Variants in TMIGD3 observed in about 807,000 individuals in gnomAD.
The protein encoded by TMIGD3 is transmembrane and immunoglobulin domain containing 3, also known as AD026 protein (AD026).
A neutral mutation model predicts 28.1 loss-of-function variants in TMIGD3; 21 were observed. The ratio of observed to expected loss-of-function variants is 0.75; its 90% confidence interval spans 0.53 to 1.08. TMIGD3 has a LOEUF of 1.08. Among genes scored for constraint, TMIGD3 ranks in the 50% least tolerant of loss-of-function variants. The probability of loss-of-function intolerance (pLI) is 0.00; values close to 1 mark genes in which losing one functional copy is unlikely to be tolerated. For synonymous variants in TMIGD3, 151 were observed against 162.1 expected (o/e 0.93, Z 0.52); for missense variants, 416 against 435.6 (o/e 0.96, Z 0.40).
At chr1:111,519,173 A>G (rs999116881) in intron 1 of TMIGD3, among the ~76,000 whole-genome samples, 1 of 152,178 alleles carries the variant, frequency 6.6e-6, no homozygotes, top group African/African-American at 2.4e-5. Flanking sequence ...TCCCGACCTC[A>G]GGTGATCCAT....
At chr1:111,533,940 C>G (rs920682217) in intron 1 of TMIGD3, among the ~76,000 whole-genome samples, 1 of 152,098 alleles carries the variant, frequency 6.6e-6, no homozygotes, top group Non-Finnish European at 1.5e-5. Context: ...AGTTGGGTGA[C>G]TTTGGGCCAG....
chr1:111,532,304 C>A (rs1391029047), intron 1 of TMIGD3, among the ~76,000 whole-genome samples: 1 of 152,192 alleles, frequency 6.6e-6, no homozygotes, highest in African/African-American at 2.4e-5. Flanking sequence ...ATCTTCTCAA[C>A]CACAGGAAGG....
chr1:111,486,402 AT>A (rs11311759), intron 4 of TMIGD3, among the ~76,000 whole-genome samples, 183 bp downstream of exon 4: 25,313 of 142,344 alleles, frequency 0.18, 3,510 homozygotes, highest in African/African-American at 0.39. Flanking sequence ...CCTAAACTGT[AT>A]TTTTTTTTTT....
At chr1:111,561,993 A>G (rs1255578879) in intron 1 of TMIGD3, among the ~76,000 whole-genome samples, 2 of 152,156 alleles carry the variant, frequency 1.3e-5, no homozygotes, top group Non-Finnish European at 2.9e-5. Flanking sequence ...TGCTTACGAT[A>G]GAATTCAAAC....
intron 1 of TMIGD3, among the ~76,000 whole-genome samples, chr1:111,491,379 C>A (rs550217968): frequency 6.6e-6 from 1 of 152,266 alleles, no homozygotes; most frequent in Non-Finnish European, 1.5e-5. Context: ...TTCATCTATG[C>A]AGCAGCAGCT....
intron 1 of TMIGD3, among the ~76,000 whole-genome samples, chr1:111,518,983 G>A (rs1655960378): frequency 6.6e-6 from 1 of 152,132 alleles, no homozygotes; most frequent in South Asian, 2.1e-4. Context: ...CTGTTGCCCA[G>A]GCTGGAGTGC....
intron 1 of TMIGD3, among the ~76,000 whole-genome samples, chr1:111,509,399 C>T (rs1361742326): frequency 6.6e-6 from 1 of 152,226 alleles, no homozygotes; most frequent in Admixed American, 6.5e-5. Flanking sequence ...TCCTAGGCTT[C>T]TGGGTGCTCA....
chr1:111,493,867 A>G (rs1654771423), intron 1 of TMIGD3, among the ~76,000 whole-genome samples: 1 of 152,234 alleles, frequency 6.6e-6, no homozygotes, highest in African/African-American at 2.4e-5. Context: ...TAGAATTTAC[A>G]AAGGGTCTTT....
intron 1 of TMIGD3, among the ~76,000 whole-genome samples, chr1:111,511,371 G>A (rs1221807917): frequency 6.6e-6 from 1 of 152,136 alleles, no homozygotes; most frequent in Admixed American, 6.5e-5. Context: ...GTATTATGTA[G>A]TACTCTCAGG....
chr1:111,558,843 T>C (rs7526041), intron 1 of TMIGD3, among the ~76,000 whole-genome samples: 1 of 152,096 alleles, frequency 6.6e-6, no homozygotes, highest in Non-Finnish European at 1.5e-5. Context: ...TGATAGAATC[T>C]CTGCTTAAAA....
intron 4 of TMIGD3, among the ~76,000 whole-genome samples, chr1:111,486,268 T>C (rs936449479): frequency 2.0e-5 from 3 of 152,198 alleles, no homozygotes; most frequent in African/African-American, 7.2e-5. Flanking sequence ...ATGATGTTCC[T>C]GACAATTTCC....
chr1:111,523,439 AT>A (rs201564618), intron 1 of TMIGD3, among the ~76,000 whole-genome samples: 4 of 151,480 alleles, frequency 2.6e-5, no homozygotes, highest in East Asian at 1.9e-4. Flanking sequence ...TTGGTCTATG[AT>A]TTTTTTTTCC....
intron 1 of TMIGD3, among the ~76,000 whole-genome samples, chr1:111,555,808 C>G (rs761749703): frequency 7.9e-5 from 12 of 152,042 alleles, no homozygotes; most frequent in Non-Finnish European, 1.3e-4. Context: ...CTATAAACCT[C>G]TTAGAAGAAA....
chr1:111,522,661 C>T (rs865847885), intron 1 of TMIGD3, among the ~76,000 whole-genome samples: 45 of 152,022 alleles, frequency 3.0e-4, no homozygotes, highest in East Asian at 5.8e-4. Flanking sequence ...GGATTACAGG[C>T]GCGTGCCACC....
chr1:111,550,150 T>G (rs1657202828), intron 1 of TMIGD3, among the ~76,000 whole-genome samples: 2 of 152,206 alleles, frequency 1.3e-5, no homozygotes, highest in African/African-American at 4.8e-5. Flanking sequence ...ATTCTTTTTA[T>G]TTCTTTAAGA....
At chr1:111,559,673 A>G (rs1196418944) in intron 1 of TMIGD3, among the ~76,000 whole-genome samples, 1 of 152,228 alleles carries the variant, frequency 6.6e-6, no homozygotes, top group Non-Finnish European at 1.5e-5. Flanking sequence ...ATTATTATTA[A>G]TATTTAAAAC....
rs745359095 is a variant in TMIGD3 at position 111,483,710 on chromosome 1, T to C, written c.1021A>G (p.Met341Val). 1.2e-6 allele frequency: 2 copies of C among 1,614,028 alleles called. No homozygotes were observed. Among genetic ancestry groups the C allele is most frequent in the Non-Finnish European group, 1.7e-6 (2 of 1,179,898 alleles). Residue 341 changes from methionine to valine, a missense_variant, in exon 6 of 6, where the codon ATG becomes GTG. By Grantham distance (21) the Met-to-Val change is conservative. Transcript: ENST00000369716. ...PFSRVLTPKE[M>V]APTEQM ...AGTCACATCTGTTCAGTAGGAGCCA[T>C]TTCCTTTGGAGTCAGGACACGCGAG...
chr1:111,533,069 T>C (rs1341644508), intron 1 of TMIGD3, among the ~76,000 whole-genome samples: 1 of 152,138 alleles, frequency 6.6e-6, no homozygotes, highest in Non-Finnish European at 1.5e-5. Context: ...GAATATCTGG[T>C]CTCAGGATGG....
At chr1:111,486,703 A>G (rs2800906) in intron 3 of TMIGD3, 51 bp from the exon 4 acceptor site, 1,211,696 of 1,487,360 alleles carry the variant, frequency 0.81, 494,267 homozygotes, top group Middle Eastern at 0.9. Context: ...GCCAGGTCCT[A>G]CCTCTGCCTC....
Sources: allele counts gnomAD v4.1 joint callset (sites outside exome capture counted in the v4.1 genomes callset), GRCh38; gene constraint gnomAD v4.1.1; transcripts MANE v1.5; gene names NCBI Gene and HGNC (gene_info 2026-07-23, HGNC 2026-07-21).